The following HCRTR2 variants were observed in gnomAD, a reference collection of about 807,000 sequenced individuals.
HCRTR2 encodes hypocretin receptor 2, also known as orexin receptor type 2.
In HCRTR2, 22 loss-of-function variants were observed where a neutral mutation model predicts 49.0. The ratio of observed to expected loss-of-function variants is 0.45; its 90% CI spans 0.32 to 0.64. The LOEUF (loss-of-function observed/expected upper bound fraction) is 0.64. HCRTR2 is among the 30% of genes least tolerant of loss of function. The pLI is 0.04. For synonymous variants in HCRTR2, 236 were observed against 205.3 expected, an observed-to-expected ratio of 1.15 and a Z score of -1.28; for missense variants, 491 against 559.4, an observed-to-expected ratio of 0.88 and a Z score of 1.23.
At chr6:55,191,459 C>T (rs1765313869) in intron 1 of HCRTR2, among the ~76,000 whole-genome samples, 1 of 151,986 alleles carries the variant, frequency 6.6e-6, no homozygotes, top group Non-Finnish European at 1.5e-5. Flanking sequence ...TATTGCTATA[C>T]ATAGTAAATA....
Position 55,230,370 on chromosome 6 carries a change from G to A in HCRTR2, c.224-18269G>A, listed in dbSNP as rs148453903. On this transcript the variant is annotated intron_variant, in intron 1 of 6. Transcript: ENST00000370862. ...ATAACAAAAATGACAGGATTCTTAG[G>A]ACTTCATTACTCAGAGCATAATCCC... Among the ~76,000 whole-genome samples, 37 of 152,156 alleles carry A rather than the reference G, an allele frequency of 2.4e-4. No homozygotes were observed. The East Asian group carries it at 7.1e-3, about 29-fold the overall frequency.
At chr6:55,142,003 G>T (rs1220177517) in intron 1 of HCRTR2, among the ~76,000 whole-genome samples, 11 of 152,064 alleles carry the variant, frequency 7.2e-5, no homozygotes, top group African/African-American at 1.9e-4. Context: ...TATAATCAAA[G>T]AAAGTACAAA....
intron 1 of HCRTR2, among the ~76,000 whole-genome samples, chr6:55,168,999 C>T (rs933514128): frequency 6.6e-6 from 1 of 151,878 alleles, no homozygotes; most frequent in African/African-American, 2.4e-5. Context: ...CTTCAGTTCT[C>T]AGCTTAAACA....
At chr6:55,264,895 A>C (rs1229875917) in intron 4 of HCRTR2, among the ~76,000 whole-genome samples, 1 of 152,134 alleles carries the variant, frequency 6.6e-6, no homozygotes, top group East Asian at 1.9e-4. Flanking sequence ...TTCATTAAAA[A>C]GATTTCACAA....
rs375461164 is a variant in HCRTR2, at chr6:55,211,857, C to G, written c.224-36782C>G. ...ATATGTTCTTGCACAGCATGCTGTG[C>G]TAATGTCACAATGGCTACCTTGTTT... On this transcript the variant is annotated intron_variant, in intron 1 of 6. Coordinates refer to ENST00000370862, the MANE Select transcript of HCRTR2 (RefSeq NM_001384272.1). Among the ~76,000 whole-genome samples the G allele has an allele frequency of 4.6e-5, 7 of 152,246 alleles. No individual in the cohort carries two copies. In the South Asian group the frequency reaches 1.5e-3, roughly 32 times the overall value.
intron 1 of HCRTR2, among the ~76,000 whole-genome samples, chr6:55,138,534 A>C (rs890530403): frequency 6.6e-6 from 1 of 152,222 alleles, no homozygotes; most frequent in African/African-American, 2.4e-5. Flanking sequence ...TATTTTATTC[A>C]AGCTAGCAGA....
chr6:55,165,744 A>ATATATATATATAT lies in HCRTR2; in HGVS notation c.-377-8467_-377-8466insTATATATATATAT, dbSNP rs1764867205. 2.3e-4 allele frequency among the ~76,000 whole-genome samples: 29 copies of ATATATATATATAT among 128,498 alleles called. 1 individual carries two copies. The highest frequency in any genetic ancestry group is 7.4e-4 in the South Asian group (3 of 4,060). The allele number at this position is 128,498 out of a possible 152,430, so 84.3% of individuals were successfully genotyped here. Reference sequence around the variant, plus strand: ...TATTTGTTAAGGGATTAGTATACAGAATATATATATATATATATATATATA... The same window carrying ATATATATATATAT: ...TATTTGTTAAGGGATTAGTATACAGATATATATATATATATATATATATATATATATATATATA... On this transcript the variant is annotated intron_variant, in intron 1 of 7. Coordinates refer to the HCRTR2 transcript ENST00000615358.
chr6:55,207,354 C>T (rs1238228080), intron 1 of HCRTR2, among the ~76,000 whole-genome samples: 1 of 151,632 alleles, frequency 6.6e-6, no homozygotes, highest in Non-Finnish European at 1.5e-5. Context: ...ATTTTTTTTG[C>T]CTTGAACTCA....
chr6:55,220,710 C>A (rs188382246), intron 1 of HCRTR2, among the ~76,000 whole-genome samples: 115 of 152,140 alleles, frequency 7.6e-4, no homozygotes, highest in African/African-American at 2.6e-3. Flanking sequence ...TTTGCTAGAA[C>A]AATTATGCAA....
At chr6:55,133,578 G>A (rs1303877171) in intron 1 of HCRTR2, among the ~76,000 whole-genome samples, 1 of 151,770 alleles carries the variant, frequency 6.6e-6, no homozygotes, top group Non-Finnish European at 1.5e-5. Context: ...ATGCCAGTAT[G>A]GATATCTGTT....
intron 1 of HCRTR2, among the ~76,000 whole-genome samples, chr6:55,143,457 AT>A (rs988776195): frequency 6.6e-6 from 1 of 152,192 alleles, no homozygotes. Context: ...ACAAAAATCA[AT>A]TTATTCTAAA....
At chr6:55,204,519 G>A (rs1310781339) in intron 1 of HCRTR2, among the ~76,000 whole-genome samples, 2 of 152,100 alleles carry the variant, frequency 1.3e-5, no homozygotes. Flanking sequence ...GAAATATTTT[G>A]TAGGTGTTGT....
intron 1 of HCRTR2, among the ~76,000 whole-genome samples, chr6:55,138,471 C>T (rs745581736): frequency 3.3e-5 from 5 of 152,212 alleles, no homozygotes; most frequent in Non-Finnish European, 5.9e-5. Flanking sequence ...CTGCTTAAAA[C>T]ATGTGGCCAG....
rs1767212815 is a variant in HCRTR2 at position 55,282,486 on chromosome 6, T to A, written c.*32T>A. ...TATTCATATGACAAGGATACCTGAG[T>A]AAAACTATCCTTTTTAAAATCACTG... On this transcript the variant is annotated 3_prime_UTR_variant, in exon 7 of 7. Transcript: ENST00000370862. 8.6e-7 allele frequency: 1 copy of A among 1,157,654 alleles called. No individual in the cohort carries two copies. The highest frequency in any genetic ancestry group is 2.4e-5 in the East Asian group (1 of 41,168). The allele number at this position is 1,157,654 out of a possible 1,614,324, so 71.7% of individuals were successfully genotyped here.
intron 4 of HCRTR2, among the ~76,000 whole-genome samples, chr6:55,276,376 G>T (rs1767077059): frequency 6.6e-6 from 1 of 152,118 alleles, no homozygotes; most frequent in Non-Finnish European, 1.5e-5. Context: ...TTGATCTGGT[G>T]GTGTAAAAAG....
intron 3 of HCRTR2, among the ~76,000 whole-genome samples, chr6:55,256,391 C>T (rs1211464084): frequency 6.6e-6 from 1 of 152,004 alleles, no homozygotes; most frequent in East Asian, 1.9e-4. Flanking sequence ...TCTGTTATTT[C>T]CTACCTTGGT....
intron 1 of HCRTR2, among the ~76,000 whole-genome samples, chr6:55,139,876 T>C (rs887802542): frequency 6.6e-6 from 1 of 152,228 alleles, no homozygotes; most frequent in Non-Finnish European, 1.5e-5. Flanking sequence ...GAGATTTTTT[T>C]CTAGAAAGTG....
chr6:55,241,279 T>C (rs897372646), intron 1 of HCRTR2, among the ~76,000 whole-genome samples: 2 of 152,078 alleles, frequency 1.3e-5, no homozygotes, highest in African/African-American at 4.8e-5. Flanking sequence ...TTAAACATTA[T>C]TTTCTATCTA....
chr6:55,111,818 A>C (rs868172767), intron 1 of HCRTR2, among the ~76,000 whole-genome samples: 9 of 152,066 alleles, frequency 5.9e-5, no homozygotes, highest in African/African-American at 1.2e-4. Context: ...CCTAATACCA[A>C]AACCAGGAAA....
Sources: allele counts gnomAD v4.1 joint callset (sites outside exome capture counted in the v4.1 genomes callset), GRCh38; gene constraint gnomAD v4.1.1; transcripts MANE v1.5; gene names NCBI Gene and HGNC (gene_info 2026-07-23, HGNC 2026-07-21).